Variants in TCP10L observed in about 807,000 individuals in gnomAD.
TCP10L encodes T-complex protein 10A homolog 1.
In TCP10L, 11 loss-of-function variants were observed where a neutral mutation model predicts 19.2. The ratio of observed to expected loss-of-function variants is 0.57; its 90% confidence interval spans 0.36 to 0.95. The LOEUF (loss-of-function observed/expected upper bound fraction) is 0.95, where lower values mean the gene tolerates loss of function less well. Among genes scored for constraint, TCP10L ranks in the 40% least tolerant of loss-of-function variants. TCP10L has a pLI of 0.01. For synonymous variants in TCP10L, 96 were observed against 97.2 expected, an observed-to-expected ratio of 0.99 and a Z score of 0.07; for missense variants, 247 against 263.9, an observed-to-expected ratio of 0.94 and a Z score of 0.44.
chr21:32,575,835 G>A lies in TCP10L; in HGVS notation c.*939C>T, dbSNP rs895025696. ...CCAGGAAGGTGCCAGATGAGAGGGC[G>A]CTCCATCAGGGTGGCAGCAATGCCA... is the stretch of plus-strand genomic sequence containing the variant. On this transcript the variant is annotated 3_prime_UTR_variant, in exon 5 of 5. Coordinates refer to ENST00000300258, the MANE Select transcript of TCP10L (RefSeq NM_144659.7). 8.8e-5 allele frequency: 14 copies of A among 158,506 alleles called. No homozygotes were observed. Among genetic ancestry groups the A allele is most frequent in the South Asian group, 1.9e-4 (1 of 5,312 alleles). The allele number at this position is 158,506 out of a possible 1,614,324, so 9.8% of individuals were successfully genotyped here.
rs544251278 is a variant in TCP10L, at chr21:32,575,677, A to T, written c.*1097T>A. The stretch of plus-strand genomic sequence containing the variant: ...CAGAGGTCGTGAAGCTGCTGTGGTC[A>T]TTTGCTGGCAGCGACGTGAAGATAG... On this transcript the variant is annotated 3_prime_UTR_variant, in exon 5 of 5. Coordinates refer to ENST00000300258, the MANE Select transcript of TCP10L (RefSeq NM_144659.7). The T allele has an allele frequency of 5.9e-5, 9 of 153,316 alleles. No homozygotes were observed. Among genetic ancestry groups the T allele is most frequent in the African/African-American group, 1.7e-4 (7 of 41,586 alleles). 9.5% of individuals were successfully genotyped at this position (153,316 alleles called of 1,614,324 possible).
intron 2 of TCP10L, among the ~76,000 whole-genome samples, chr21:32,583,884 G>A (rs926898869): frequency 6.6e-6 from 1 of 152,194 alleles, no homozygotes; most frequent in Non-Finnish European, 1.5e-5. Flanking sequence ...CTTTAATGAA[G>A]TTTTTAAAGT....
At chr21:32,583,604 A>T (rs1361512212) in intron 2 of TCP10L, among the ~76,000 whole-genome samples, 1 of 151,294 alleles carries the variant, frequency 6.6e-6, no homozygotes, top group African/African-American at 2.4e-5. Flanking sequence ...AAAAAAAAAA[A>T]AAAAAAAAAA....
chr21:32,582,100 G>A lies in TCP10L; in HGVS notation c.360+100C>T. On this transcript the variant is annotated intron_variant, in intron 3 of 4. Coordinates refer to ENST00000300258, the MANE Select transcript of TCP10L (RefSeq NM_144659.7). This position sits in a 1 kb window ranked among gnomAD's most constrained non-coding sequence, Gnocchi z 4.2. ...CAACCCCTCCCACCACCCGGAGCGT[G>A]AGTGATACCGCGTCATTCAGCAATA... The A allele has an allele frequency of 4.4e-6, 6 of 1,354,198 alleles. No homozygotes were observed. In the South Asian group the frequency reaches 6.7e-5, roughly 15 times the overall value. 83.9% of individuals were successfully genotyped at this position (1,354,198 alleles called of 1,614,324 possible).
Position 32,579,039 on chromosome 21 carries a change from G to A in TCP10L, c.361-208C>T, listed in dbSNP as rs532442256. On this transcript the variant is annotated intron_variant, in intron 3 of 4. Transcript: ENST00000300258. ...AGGAACCTTTGTGGAGCCGATGTTT[G>A]CTTTGTGTTTCTTATTGTGGTTCCT... is the stretch of plus-strand genomic sequence containing the variant. 6.6e-5 allele frequency among the ~76,000 whole-genome samples: 10 copies of A among 152,314 alleles called. No homozygotes were observed. The East Asian group carries it at 1.9e-3, about 29-fold the overall frequency.
At chr21:32,581,872 C>G (rs756157692) in intron 3 of TCP10L, among the ~76,000 whole-genome samples, 9 of 152,148 alleles carry the variant, frequency 5.9e-5, no homozygotes, top group Non-Finnish European at 8.8e-5. Flanking sequence ...CCGTAAAGCT[C>G]CGTACCTAGC....
At position 32,578,542 on chromosome 21, in the gene TCP10L, C is replaced by T. The variant is rs2038459030; in HGVS notation, c.498+152G>A. 8.4e-7 allele frequency: 1 copy of T among 1,185,024 alleles called. No homozygotes were observed. Among genetic ancestry groups the T allele is most frequent in the African/African-American group, 1.5e-5 (1 of 65,084 alleles). 73.4% of individuals were successfully genotyped at this position (1,185,024 alleles called of 1,614,324 possible). On this transcript the variant is annotated intron_variant, in intron 4 of 4. Transcript: ENST00000300258. This position sits in a 1 kb window ranked among gnomAD's most constrained non-coding sequence, Gnocchi z 4.2. ...AAGGGTTAGGATCTTGTTTGAAAGG[C>T]ATGTACCCGTGTCCTTGGAAGAACA...
rs1267617350 is a variant in TCP10L at position 32,582,261 on chromosome 21, C to T, written c.299G>A (p.Arg100Gln). 4.3e-6 allele frequency: 7 copies of T among 1,614,194 alleles called. No homozygotes were observed. The highest frequency in any genetic ancestry group is 4.0e-5 in the African/African-American group (3 of 75,042). Residue 100 changes from arginine to glutamine, a missense_variant, in exon 3 of 5, where the codon CGG becomes CAG. By Grantham distance (43) the Arg-to-Gln change is conservative. Coordinates refer to ENST00000300258, the MANE Select transcript of TCP10L (RefSeq NM_144659.7). This position sits in a 1 kb window ranked among gnomAD's most constrained non-coding sequence, Gnocchi z 4.2. ...REKLRALQLQRWKARKKSAAS... is the reference protein window; with the variant it reads ...REKLRALQLQQWKARKKSAAS... ...TGCAGATTTCTTCCTGGCTTTCCAC[C>T]GCTGCAGCTGCAGAGCTCTCAGCTT...
At position 32,584,278 on chromosome 21, in the gene TCP10L, C is replaced by T. The variant is rs1206036513; in HGVS notation, c.27G>A (p.Arg9=). Reference sequence around the variant, plus strand: ...CTGGGTGGGTGCCCTCTTTGGGGTCCCTGGCCTCGAGTTGACCTGCCAGCA... The same window carrying T: ...CTGGGTGGGTGCCCTCTTTGGGGTCTCTGGCCTCGAGTTGACCTGCCAGCA... MLAGQLEA[R]DPKEGTHPED... is the part of the protein sequence containing the mutation. Residue 9 remains arginine (R), a synonymous_variant, in exon 2 of 5, where the codon AGG becomes AGA. Transcript: ENST00000300258. 1 of 1,613,904 alleles carries T rather than the reference C, an allele frequency of 6.2e-7. No individual in the cohort carries two copies. Among genetic ancestry groups the T allele is most frequent in the South Asian group, 1.1e-5 (1 of 91,056 alleles).
intron 2 of TCP10L, among the ~76,000 whole-genome samples, chr21:32,583,366 G>A (rs1029854947): frequency 1.3e-5 from 2 of 151,802 alleles, no homozygotes; most frequent in Non-Finnish European, 2.9e-5. Context: ...GAGGCGGGCG[G>A]ATCACGAGGT....
chr21:32,576,062 C>A lies in TCP10L; in HGVS notation c.*712G>T. ...GCAAGTCTCACAGGTGAGGACCCAA[C>A]GAGGGAATCAGACAAAAAGTGGCCA... On this transcript the variant is annotated 3_prime_UTR_variant, in exon 5 of 5. Transcript: ENST00000300258. The A allele has an allele frequency of 2.1e-6, 1 of 471,730 alleles. No individual in the cohort carries two copies. Among genetic ancestry groups the A allele is most frequent in the South Asian group, 2.9e-5 (1 of 34,824 alleles). 29.2% of individuals were successfully genotyped at this position (471,730 alleles called of 1,614,324 possible).
At chr21:32,579,005 C>T (rs180810310) in intron 3 of TCP10L, among the ~76,000 whole-genome samples, 174 bp from the exon 4 acceptor site, 50 of 152,262 alleles carry the variant, frequency 3.3e-4, no homozygotes, top group South Asian at 8.3e-4. Context: ...CCTCACCAAG[C>T]GTTTGTGAAG....
In TCP10L at chr21:32,582,281, C is replaced by A. The variant is rs2038503895; in HGVS notation, c.279G>T (p.Leu93=). Residue 93 remains leucine (L), a synonymous_variant, in exon 3 of 5, where the codon CTG becomes CTT. Coordinates refer to ENST00000300258, the MANE Select transcript of TCP10L (RefSeq NM_144659.7). The surrounding 1 kb of genome is among the most constrained non-coding windows in gnomAD (Gnocchi z 4.2). ...REQNMELREK[L]RALQLQRWKA... is the part of the protein sequence containing the mutation. The stretch of plus-strand genomic sequence containing the variant: ...TCCACCGCTGCAGCTGCAGAGCTCT[C>A]AGCTTTTCTCGGAGCTCCATGTTCT... 6.2e-7 allele frequency: 1 copy of A among 1,614,088 alleles called. No homozygotes were observed. Among genetic ancestry groups the A allele is most frequent in the East Asian group, 2.2e-5 (1 of 44,898 alleles).
Position 32,582,784 on chromosome 21 carries a change from G to A in TCP10L, c.145-369C>T, listed in dbSNP as rs1189902861. ...ATTTTTGTATTTTTACTCGGGATGG[G>A]GGTTCACCATGTTGCCCAGACTGGT... On this transcript the variant is annotated intron_variant, in intron 2 of 4. Coordinates refer to ENST00000300258, the MANE Select transcript of TCP10L (RefSeq NM_144659.7). The surrounding 1 kb of genome is among the most constrained non-coding windows in gnomAD (Gnocchi z 4.2). 1.3e-5 allele frequency among the ~76,000 whole-genome samples: 2 copies of A among 151,898 alleles called. No individual in the cohort carries two copies. Among genetic ancestry groups the A allele is most frequent in the Admixed American group, 6.6e-5 (1 of 15,232 alleles).
chr21:32,580,872 G>A (rs1188782539), intron 3 of TCP10L, among the ~76,000 whole-genome samples: 1 of 152,202 alleles, frequency 6.6e-6, no homozygotes, highest in Non-Finnish European at 1.5e-5. Context: ...ACTTCAGCAT[G>A]AGAATGCTGG....
chr21:32,576,816 A>G lies in TCP10L; in HGVS notation c.606T>C (p.Thr202=), dbSNP rs770298108. ...TCTCTGCACAGGGAGTTGGCCTTCC[A>G]GTAGGTGTTGCTCTTCTGTCTTGAC... The part of the protein sequence containing the change: ...RRRQDRRATP[T]GRPTPCAERR... Residue 202 remains threonine (T), a synonymous_variant, in exon 5 of 5, where the codon ACT becomes ACC. Coordinates refer to ENST00000300258, the MANE Select transcript of TCP10L (RefSeq NM_144659.7). 1 of 1,614,088 alleles carries G rather than the reference A, an allele frequency of 6.2e-7. No homozygotes were observed. The highest frequency in any genetic ancestry group is 8.5e-7 in the Non-Finnish European group (1 of 1,180,004).
chr21:32,576,454 C>G lies in TCP10L; in HGVS notation c.*320G>C. ...ATTTCCAGCAAGACCCCAGGGCTCA[C>G]CCAACAGCCCGACACTCCATACTAC... On this transcript the variant is annotated 3_prime_UTR_variant, in exon 5 of 5. Coordinates refer to ENST00000300258, the MANE Select transcript of TCP10L (RefSeq NM_144659.7). The G allele has an allele frequency of 1.5e-6, 1 of 685,118 alleles. No individual in the cohort carries two copies. 42.4% of individuals were successfully genotyped at this position (685,118 alleles called of 1,614,324 possible).
At position 32,578,621 on chromosome 21, in the gene TCP10L, G is replaced by C. The variant is rs2038460003; in HGVS notation, c.498+73C>G. On this transcript the variant is annotated intron_variant, in intron 4 of 4. Transcript: ENST00000300258. This position sits in a 1 kb window ranked among gnomAD's most constrained non-coding sequence, Gnocchi z 4.2. Reference sequence around the variant, plus strand: ...CAGGGAGGTGAAATTGTGTGGTGAGGAGCTGATGGGATGTGTGTGTTTGGG... The same window carrying C: ...CAGGGAGGTGAAATTGTGTGGTGAGCAGCTGATGGGATGTGTGTGTTTGGG... The C allele has an allele frequency of 1.5e-5, 23 of 1,554,912 alleles. No individual in the cohort carries two copies. Among genetic ancestry groups the C allele is most frequent in the Non-Finnish European group, 2.0e-5 (23 of 1,152,192 alleles).
In TCP10L at chr21:32,582,471, T is replaced by A; in HGVS notation, c.145-56A>T. On this transcript the variant is annotated intron_variant, in intron 2 of 4. Coordinates refer to ENST00000300258, the MANE Select transcript of TCP10L (RefSeq NM_144659.7). The surrounding 1 kb of genome is among the most constrained non-coding windows in gnomAD (Gnocchi z 4.2). ...CTCTCAGATGTCACAATGGGCACAT[T>A]TATCTGCAAAATACTCAAGCCCTCT... 3.9e-6 allele frequency: 6 copies of A among 1,535,026 alleles called. No individual in the cohort carries two copies. The highest frequency in any genetic ancestry group is 4.4e-6 in the Non-Finnish European group (5 of 1,130,890).
Sources: allele counts gnomAD v4.1 joint callset (sites outside exome capture counted in the v4.1 genomes callset), GRCh38; gene constraint gnomAD v4.1.1; non-coding constraint Gnocchi (gnomAD v3.1); transcripts MANE v1.5; gene names NCBI Gene and HGNC (gene_info 2026-07-23, HGNC 2026-07-21).